Variants in ARHGAP35 observed in about 807,000 individuals in gnomAD.
The protein encoded by ARHGAP35 is Rho GTPase activating protein 35, also known as rho GTPase-activating protein 35.
Under a neutral mutation model 111.1 loss-of-function variants are expected in ARHGAP35, and 15 were observed. The ratio of observed to expected loss-of-function variants is 0.13; its 90% confidence interval spans 0.09 to 0.21. ARHGAP35 has a LOEUF of 0.21. ARHGAP35 is among the 10% of genes least tolerant of loss of function. The pLI is 1.00. For missense variants in ARHGAP35, 1,262 were observed against 1,873.0 expected, an observed-to-expected ratio of 0.67 and a Z score of 6.02; for synonymous variants, 643 against 710.3, an observed-to-expected ratio of 0.91 and a Z score of 1.51.
At chr19:46,939,122 G>A (rs1053541241) in intron 3 of ARHGAP35, among the ~76,000 whole-genome samples, 3 of 151,902 alleles carry the variant, frequency 2.0e-5, no homozygotes, top group Middle Eastern at 3.2e-3. Context: ...TACCCAAAGC[G>A]GTTTCTCATT....
intron 1 of ARHGAP35, among the ~76,000 whole-genome samples, chr19:46,868,494 C>T (rs1421389353): frequency 6.6e-6 from 1 of 152,162 alleles, no homozygotes; most frequent in African/African-American, 2.4e-5. Context: ...GAGATTTGAG[C>T]ACACAGTAGG....
At chr19:46,889,548 T>C (rs933456622) in intron 1 of ARHGAP35, among the ~76,000 whole-genome samples, 6 of 152,168 alleles carry the variant, frequency 3.9e-5, no homozygotes, top group African/African-American at 1.4e-4. Context: ...TTAGGTGGTA[T>C]ACATAGCACT....
chr19:46,991,669 A>G (rs1414785180), intron 5 of ARHGAP35, among the ~76,000 whole-genome samples: 1 of 152,208 alleles, frequency 6.6e-6, no homozygotes, highest in Non-Finnish European at 1.5e-5. Context: ...TCTTGCTGAC[A>G]TGGCACCTCT....
At chr19:46,902,465 G>T (rs1403902962) in intron 1 of ARHGAP35, among the ~76,000 whole-genome samples, 3 of 152,164 alleles carry the variant, frequency 2.0e-5, no homozygotes, top group Non-Finnish European at 4.4e-5. Flanking sequence ...GTTTGGGTTA[G>T]GGGAGCGGAG....
At chr19:46,939,726 T>G (rs2056333918) in intron 3 of ARHGAP35, among the ~76,000 whole-genome samples, 1 of 152,124 alleles carries the variant, frequency 6.6e-6, no homozygotes, top group Non-Finnish European at 1.5e-5. Flanking sequence ...ACCTTTACTT[T>G]TAAATACTTC....
intron 1 of ARHGAP35, among the ~76,000 whole-genome samples, chr19:46,883,241 C>T (rs1416696877): frequency 6.6e-6 from 1 of 151,434 alleles, no homozygotes; most frequent in African/African-American, 2.4e-5. Flanking sequence ...ATTACAGGCA[C>T]GTGCCACCAT....
chr19:46,997,458 A>T (rs1411598388), intron 5 of ARHGAP35: 1 of 152,088 alleles, frequency 6.6e-6, no homozygotes, highest in Non-Finnish European at 1.5e-5. Flanking sequence ...AGGTGCCCTT[A>T]TTTTGTGTCC....
intron 1 of ARHGAP35, among the ~76,000 whole-genome samples, chr19:46,896,073 T>A (rs960005176): frequency 6.6e-6 from 1 of 151,018 alleles, no homozygotes; most frequent in African/African-American, 2.4e-5. Flanking sequence ...CTGCACTCCA[T>A]CCTCGGTGAC....
At position 46,874,104 on chromosome 19, in the gene ARHGAP35, A is replaced by C. The variant is rs188733765; in HGVS notation, c.-189+12895A>C. Among the ~76,000 whole-genome samples, 3 of 152,270 alleles carry C rather than the reference A, an allele frequency of 2.0e-5. No homozygotes were observed. The East Asian group carries it at 5.8e-4, about 29-fold the overall frequency. On this transcript the variant is annotated intron_variant, in intron 1 of 6. Transcript: ENST00000672722. ...CTGTTTTGAAGTCCTGTCTATAATT[A>C]ATTTTATTTAAATAATTTAGCAAAA... is the stretch of plus-strand genomic sequence containing the variant.
chr19:46,914,797 G>A (rs1238237556), intron 1 of ARHGAP35, among the ~76,000 whole-genome samples: 1 of 152,158 alleles, frequency 6.6e-6, no homozygotes, highest in Non-Finnish European at 1.5e-5. Flanking sequence ...GAGCAGGCTG[G>A]TGTTTTGTTC....
In ARHGAP35 at chr19:46,874,650, G is replaced by A. The variant is rs1043274509; in HGVS notation, c.-189+13441G>A. On this transcript the variant is annotated intron_variant, in intron 1 of 6. Coordinates refer to ENST00000672722, the MANE Select transcript of ARHGAP35 (RefSeq NM_004491.5). ...CTCCTGAGTAGCTGGGATTACAGGC[G>A]CCTGCTACCATGCCTGGCTAATTTT... Among the ~76,000 whole-genome samples the A allele has an allele frequency of 9.3e-5, 14 of 150,898 alleles. No individual in the cohort carries two copies. In the East Asian group the frequency reaches 1.6e-3, roughly 17 times the overall value.
At chr19:46,928,840 G>T (rs777432210) in intron 2 of ARHGAP35, among the ~76,000 whole-genome samples, 24 of 152,078 alleles carry the variant, frequency 1.6e-4, no homozygotes, top group Admixed American at 6.6e-5. Context: ...GCTGAGGCAA[G>T]AGAATCTCTT....
chr19:46,991,679 T>C (rs1336609228), intron 5 of ARHGAP35, among the ~76,000 whole-genome samples: 1 of 152,166 alleles, frequency 6.6e-6, no homozygotes, highest in African/African-American at 2.4e-5. Context: ...ATGGCACCTC[T>C]CCCGGCCATA....
intron 3 of ARHGAP35, among the ~76,000 whole-genome samples, chr19:46,972,369 C>T (rs149351521): frequency 5.9e-5 from 9 of 152,352 alleles, no homozygotes; most frequent in Non-Finnish European, 1.0e-4. Flanking sequence ...TAACTGAGAA[C>T]AAATTGCAGT....
chr19:46,928,318 C>T (rs924337847), intron 2 of ARHGAP35, among the ~76,000 whole-genome samples: 3 of 152,178 alleles, frequency 2.0e-5, no homozygotes, highest in Non-Finnish European at 4.4e-5. Context: ...TGGTCTCCTC[C>T]ACCACCTGGT....
chr19:46,949,088 C>A (rs573318889), intron 3 of ARHGAP35: 1 of 150,964 alleles, frequency 6.6e-6, no homozygotes, highest in Non-Finnish European at 1.5e-5. Context: ...ACCCGGGAGG[C>A]GGAGCTTGTA....
At chr19:46,885,611 A>G (rs1037812307) in intron 1 of ARHGAP35, among the ~76,000 whole-genome samples, 4 of 152,088 alleles carry the variant, frequency 2.6e-5, no homozygotes, top group African/African-American at 9.7e-5. Context: ...TCATTGGGAA[A>G]TGTTTCTCTC....
intron 1 of ARHGAP35, among the ~76,000 whole-genome samples, chr19:46,870,006 G>C (rs1282068884): frequency 6.7e-6 from 1 of 149,226 alleles, no homozygotes; most frequent in Non-Finnish European, 1.5e-5. Flanking sequence ...GAGTGCAGTG[G>C]CGCCATCTCG....
rs1273600566 is a variant in ARHGAP35, at chr19:46,919,936, G to C, written c.1261G>C (p.Glu421Gln). The C allele has an allele frequency of 1.2e-6, 2 of 1,613,992 alleles. No individual in the cohort carries two copies. Among genetic ancestry groups the C allele is most frequent in the East Asian group, 2.2e-5 (1 of 44,892 alleles). Residue 421 changes from glutamate to glutamine, a missense_variant, in exon 2 of 7, where the codon GAG becomes CAG. Transcript: ENST00000672722. This position sits in a 1 kb window ranked among gnomAD's most constrained non-coding sequence, Gnocchi z 6.2. ...PAEQLYEAHL[E>Q]KLRNERKRVE... is the part of the protein sequence containing the mutation. ...AGAGCAGCTATACGAGGCCCACTTAGAGAAGCTGAGGAACGAAAGGAAAAG... is the reference window on the plus strand; with the variant it reads ...AGAGCAGCTATACGAGGCCCACTTACAGAAGCTGAGGAACGAAAGGAAAAG...
Sources: allele counts gnomAD v4.1 joint callset (sites outside exome capture counted in the v4.1 genomes callset), GRCh38; gene constraint gnomAD v4.1.1; non-coding constraint Gnocchi (gnomAD v3.1); transcripts MANE v1.5; gene names NCBI Gene and HGNC (gene_info 2026-07-23, HGNC 2026-07-21).